The following HK1 variants were observed in gnomAD, a reference collection of about 807,000 sequenced individuals.
HK1 encodes the protein hexokinase-1.
Under a neutral mutation model 91.6 loss-of-function variants are expected in HK1, and 28 were observed. That is an observed-to-expected ratio of 0.31 (90% confidence interval 0.23 to 0.42). The LOEUF is 0.42. Among genes scored for constraint, HK1 ranks in the 10% least tolerant of loss-of-function variants. The pLI, the probability that HK1 is intolerant of heterozygous loss-of-function variation, is 1.00. For missense variants in HK1, 770 were observed against 1,219.8 expected (o/e 0.63, Z 5.49); for synonymous variants, 430 against 468.1 (o/e 0.92, Z 1.05).
At chr10:69,381,546 C>CT (rs35306200) in intron 9 of HK1, among the ~76,000 whole-genome samples, 3,164 of 132,210 alleles carry the variant, frequency 0.024, 103 homozygotes, top group African/African-American at 0.064. Flanking sequence ...TCATCTTAAC[C>CT]TTTTTTTTTT....
At chr10:69,349,350 A>G (rs1848725276) in intron 2 of HK1, among the ~76,000 whole-genome samples, 1 of 152,116 alleles carries the variant, frequency 6.6e-6, no homozygotes. Flanking sequence ...ATCAGGATCA[A>G]ATGAGAGTCT....
At chr10:69,361,660 G>A (rs560041735) in intron 3 of HK1, among the ~76,000 whole-genome samples, 5 of 151,972 alleles carry the variant, frequency 3.3e-5, no homozygotes, top group Non-Finnish European at 5.9e-5. Context: ...TGCCCTCTTC[G>A]TCTCTCCCAG....
chr10:69,386,020 G>A (rs1249902521), intron 12 of HK1, among the ~76,000 whole-genome samples: 5 of 152,170 alleles, frequency 3.3e-5, no homozygotes, highest in Non-Finnish European at 5.9e-5. Context: ...GCTTGGAATC[G>A]GGTGATCTGG....
chr10:69,303,261 G>C (rs910904865), intron 5 of HK1, among the ~76,000 whole-genome samples: 3 of 152,034 alleles, frequency 2.0e-5, no homozygotes, highest in Non-Finnish European at 4.4e-5. Flanking sequence ...CTATTTTGTT[G>C]CTTTGTTTTG....
At chr10:69,326,535 G>C (rs1473902320) in intron 1 of HK1, among the ~76,000 whole-genome samples, 29 of 152,102 alleles carry the variant, frequency 1.9e-4, no homozygotes, top group Non-Finnish European at 1.3e-4. Flanking sequence ...TGCTTCCTCT[G>C]TTTCCTTCTT....
exon 3 of HK1, chr10:69,288,754 T>A (rs757808588): frequency 2.5e-6 from 4 of 1,613,768 alleles, no homozygotes; most frequent in Non-Finnish European, 3.4e-6. Context: ...ATGGGGCAGA[T>A]CTGCCAGCGA....
rs967026357 is a variant in HK1 at position 69,378,263 on chromosome 10, A to T, written c.1031+1174A>T. Among the ~76,000 whole-genome samples, 7 of 152,044 alleles carry T rather than the reference A, an allele frequency of 4.6e-5. No individual in the cohort carries two copies. In the East Asian group the frequency reaches 1.4e-3, roughly 29 times the overall value. On this transcript the variant is annotated intron_variant, in intron 8 of 17. Coordinates refer to ENST00000359426, the MANE Select transcript of HK1 (RefSeq NM_000188.3). ...ACTCTTTGGTTACCAAGAAACACAA[A>T]CCCAGCTAGCTCAAGAAAGCATGTA...
In HK1 at chr10:69,343,793, G is replaced by A. The variant is rs530446768; in HGVS notation, c.64-34G>A. The A allele has an allele frequency of 8.2e-6, 13 of 1,577,764 alleles. No individual in the cohort carries two copies. The East Asian group carries it at 1.8e-4, about 22-fold the overall frequency. On this transcript the variant is annotated intron_variant, in intron 1 of 17. Coordinates refer to ENST00000359426, the MANE Select transcript of HK1 (RefSeq NM_000188.3). ...CTCACCTTGCCCTGTCCTCCCCCTC[G>A]ACCTCACTCTCCTTCCTTCTCATCC...
rs10998755 is a variant in HK1, at chr10:69,389,650, G to A, written c.2035+354G>A. Among the ~76,000 whole-genome samples, 1,006 of 152,220 alleles carry A rather than the reference G, an allele frequency of 6.6e-3. 15 individuals carry two copies. Among genetic ancestry groups the A allele is most frequent in the African/African-American group, 0.023 (969 of 41,536 alleles). ...CAGCTCTATGGGCCTTGTATGGAGG[G>A]GCTCTGGTCAGGTATTGCAGGGGGA... On this transcript the variant is annotated intron_variant, in intron 14 of 17. Transcript: ENST00000359426.
intron 14 of HK1, among the ~76,000 whole-genome samples, chr10:69,390,037 G>A (rs1839825672): frequency 6.6e-6 from 1 of 152,230 alleles, no homozygotes; most frequent in Admixed American, 6.5e-5. Context: ...TGGTGAGTGA[G>A]CAGTGGCACC....
chr10:69,310,116 TAAAA>T (rs376737962), intron 5 of HK1, among the ~76,000 whole-genome samples: 1 of 103,966 alleles, frequency 9.6e-6, no homozygotes, highest in African/African-American at 3.4e-5. Flanking sequence ...AAACTCCATC[TAAAA>T]AAAAAAAAAA....
intron 13 of HK1, among the ~76,000 whole-genome samples, chr10:69,387,114 C>T (rs1410675252): frequency 6.6e-6 from 1 of 152,076 alleles, no homozygotes; most frequent in Non-Finnish European, 1.5e-5. Flanking sequence ...ACAGCCACTC[C>T]GTCCGGGACC....
chr10:69,359,086 T>C (rs1263494266), intron 2 of HK1, among the ~76,000 whole-genome samples: 1 of 151,832 alleles, frequency 6.6e-6, no homozygotes, highest in Non-Finnish European at 1.5e-5. Context: ...TCTGAAAATA[T>C]GGATGAACCT....
At chr10:69,310,160 C>T (rs1204064080) in intron 5 of HK1, among the ~76,000 whole-genome samples, 5 of 150,568 alleles carry the variant, frequency 3.3e-5, no homozygotes, top group African/African-American at 1.2e-4. Context: ...GTGGCTCACA[C>T]CTGTAATCCC....
intron 1 of HK1, among the ~76,000 whole-genome samples, chr10:69,321,150 G>A (rs1333489634): frequency 2.0e-5 from 3 of 152,222 alleles, no homozygotes; most frequent in African/African-American, 7.2e-5. Context: ...AGGGGAGTAC[G>A]TGGATTCCTG....
At chr10:69,334,535 G>C (rs1847883252) in intron 1 of HK1, among the ~76,000 whole-genome samples, 1 of 152,198 alleles carries the variant, frequency 6.6e-6, no homozygotes, top group African/African-American at 2.4e-5. Context: ...GCTGCCGGGG[G>C]AGAAGGGCTG....
chr10:69,314,669 C>A (rs1846549478), upstream of HK1, among the ~76,000 whole-genome samples: 1 of 148,714 alleles, frequency 6.7e-6, no homozygotes, highest in South Asian at 2.1e-4. Context: ...TCTCTCTTTT[C>A]TTTTCTTTCT....
intron 13 of HK1, among the ~76,000 whole-genome samples, chr10:69,387,696 G>GC (rs371454998): frequency 6.6e-6 from 1 of 151,972 alleles, no homozygotes; most frequent in Admixed American, 6.6e-5. Context: ...TTTCCAAGAT[G>GC]CCCCCGGGGT....
At chr10:69,381,263 G>A (rs967821050) in intron 9 of HK1, among the ~76,000 whole-genome samples, 3 of 152,126 alleles carry the variant, frequency 2.0e-5, no homozygotes, top group East Asian at 1.9e-4. Context: ...TCCAGCCTGG[G>A]GGACAGAATG....
Sources: allele counts gnomAD v4.1 joint callset (sites outside exome capture counted in the v4.1 genomes callset), GRCh38; gene constraint gnomAD v4.1.1; transcripts MANE v1.5; gene names NCBI Gene and HGNC (gene_info 2026-07-23, HGNC 2026-07-21).